Variants in THBS1 observed in about 807,000 individuals in gnomAD.
The protein encoded by THBS1 is thrombospondin-1.
Under a neutral mutation model 126.1 loss-of-function variants are expected in THBS1, and 29 were observed. That is an observed-to-expected ratio of 0.23 (90% CI 0.17 to 0.31). The LOEUF (loss-of-function observed/expected upper bound fraction) is 0.31. THBS1 is among the 10% of genes least tolerant of loss of function. THBS1 has a pLI of 1.00. For missense variants in THBS1, 1,198 were observed against 1,545.2 expected (o/e 0.78, Z 3.77); for synonymous variants, 496 against 577.8 (o/e 0.86, Z 2.03).
At position 39,593,015 on chromosome 15, in the gene THBS1, A is replaced by C. The variant is rs1046163935; in HGVS notation, c.2783A>C (p.Asp928Ala). The change falls in exon 18 of 22, where the codon GAT becomes GCT. Residue 928 changes from aspartate to alanine, a missense_variant. Physicochemically the swap from Asp to Ala is moderately radical, Grantham distance 126 (BLOSUM62 -2). This residue lies in a region of THBS1 where 255 missense variants were observed against 373.9 expected (regional missense o/e 0.68). Coordinates refer to ENST00000260356, the MANE Select transcript of THBS1 (RefSeq NM_003246.4). The surrounding 1 kb of genome is among the most constrained non-coding windows in gnomAD (Gnocchi z 5.9). The stretch of plus-strand genomic sequence containing the variant: ...TTGACCTCAGGCGATGGTCGAGGTG[A>C]TGCCTGCAAAGATGATTTTGACCAT... ...QKDSDGDGRG[D>A]ACKDDFDHDS... 6 of 1,613,308 alleles carry C rather than the reference A, an allele frequency of 3.7e-6. No individual in the cohort carries two copies. The African/African-American group carries it at 6.7e-5, about 18-fold the overall frequency.
chr15:39,588,179 G>A lies in THBS1; in HGVS notation c.1432G>A (p.Ala478Thr), dbSNP rs1353441404. The A allele has an allele frequency of 1.2e-6, 2 of 1,614,184 alleles. No individual in the cohort carries two copies. The highest frequency in any genetic ancestry group is 1.7e-5 in the Admixed American group (1 of 60,032). Reference sequence around the variant, plus strand: ...GAACGGGAAACCCTGTGAAGGCGAAGCGCGGGAGACCAAAGCCTGCAAGAA... The same window carrying A: ...GAACGGGAAACCCTGTGAAGGCGAAACGCGGGAGACCAAAGCCTGCAAGAA... ...QMNGKPCEGE[A>T]RETKACKKDA... is the part of the protein sequence containing the mutation. Residue 478 changes from alanine (A) to threonine (T), a missense_variant, in exon 9 of 22, where the codon GCG (alanine) becomes ACG (threonine). By Grantham distance (58) the Ala-to-Thr change is moderately conservative. This residue lies in a region of THBS1 where 663 missense variants were observed against 860.1 expected (regional missense o/e 0.77). Coordinates refer to ENST00000260356, the MANE Select transcript of THBS1 (RefSeq NM_003246.4).
At chr15:39,585,190 C>T (rs1890187159) in intron 6 of THBS1, among the ~76,000 whole-genome samples, 1 of 152,140 alleles carries the variant, frequency 6.6e-6, no homozygotes, top group Non-Finnish European at 1.5e-5. Context: ...TTTGTTGGTT[C>T]CTCTGCTATA....
rs1890292478 is a variant in THBS1, at chr15:39,589,890, A to G, written c.2012A>G (p.Asp671Gly). 8 of 1,614,004 alleles carry G rather than the reference A, an allele frequency of 5.0e-6. No homozygotes were observed. Among genetic ancestry groups the G allele is most frequent in the Non-Finnish European group, 5.9e-6 (7 of 1,180,034 alleles). ...AKCNYLGHYS[D>G]PMYRCECKPG... ...TGCAACTACCTGGGCCACTATAGCGACCCCATGTACCGCTGCGAGTGCAAG... is the reference window on the plus strand; with the variant it reads ...TGCAACTACCTGGGCCACTATAGCGGCCCCATGTACCGCTGCGAGTGCAAG... The change falls in exon 13 of 22, where the codon GAC becomes GGC. Residue 671 changes from aspartate (D) to glycine (G), a missense_variant. Transcript: ENST00000260356. This position sits in a 1 kb window ranked among gnomAD's most constrained non-coding sequence, Gnocchi z 4.7.
At position 39,591,322 on chromosome 15, in the gene THBS1, C is replaced by T. The variant is rs147749994; in HGVS notation, c.2385C>T (p.Asp795=). 205 of 1,614,018 alleles carry T rather than the reference C, an allele frequency of 1.3e-4. No individual in the cohort carries two copies. The African/African-American group carries it at 2.1e-3, about 16-fold the overall frequency. ...ACACAGACAACAATGGGGAAGGAGACGCCTGTGCTGCAGACATTGATGGAG... is the reference window on the plus strand; with the variant it reads ...ACACAGACAACAATGGGGAAGGAGATGCCTGTGCTGCAGACATTGATGGAG... The part of the protein sequence containing the change: ...QADTDNNGEG[D]ACAADIDGDG... The change falls in exon 15 of 22, where the codon GAC becomes GAT. Residue 795 remains aspartate (D), a synonymous_variant. Coordinates refer to ENST00000260356, the MANE Select transcript of THBS1 (RefSeq NM_003246.4).
At position 39,590,633 on chromosome 15, in the gene THBS1, G is replaced by A. The variant is rs1025972967; in HGVS notation, c.2253+10G>A. 6.8e-6 allele frequency: 11 copies of A among 1,609,650 alleles called. 1 individual carries two copies. Among genetic ancestry groups the A allele is most frequent in the East Asian group, 4.5e-5 (2 of 44,830 alleles). On this transcript the variant is annotated intron_variant, in intron 14 of 21. Coordinates refer to ENST00000260356, the MANE Select transcript of THBS1 (RefSeq NM_003246.4). ...AATTCCAGATGACAGGGTAAAAACAGTTTTCTATCCCTTTTTCATCTTTTC... is the reference window on the plus strand; with the variant it reads ...AATTCCAGATGACAGGGTAAAAACAATTTTCTATCCCTTTTTCATCTTTTC...
At position 39,582,728 on chromosome 15, in the gene THBS1, G is replaced by C. The variant is rs1248308133; in HGVS notation, c.603G>C (p.Lys201Asn). The C allele has an allele frequency of 1.9e-6, 3 of 1,611,344 alleles. No individual in the cohort carries two copies. In the South Asian group the frequency reaches 3.3e-5, roughly 18 times the overall value. The change falls in exon 3 of 22, where the codon AAG becomes AAC. Residue 201 changes from lysine to asparagine, a missense_variant. Transcript: ENST00000260356. ...GCATCGCCAGACTCCGCATCGCAAAGGGGGGCGTCAATGACAATTTCCAGG... is the reference window on the plus strand; with the variant it reads ...GCATCGCCAGACTCCGCATCGCAAACGGGGGCGTCAATGACAATTTCCAGG... ...LASIARLRIA[K>N]GGVNDNFQGV...
chr15:39,595,391 G>A lies in THBS1; in HGVS notation c.*22G>A. The A allele has an allele frequency of 6.7e-7, 1 of 1,497,094 alleles. No homozygotes were observed. Among genetic ancestry groups the A allele is most frequent in the African/African-American group, 1.4e-5 (1 of 71,568 alleles). The allele number at this position is 1,497,094 out of a possible 1,614,324, so 92.7% of individuals were successfully genotyped here. On this transcript the variant is annotated 3_prime_UTR_variant, in exon 22 of 22. Transcript: ENST00000260356. ...CTAATCATCAAATTGTTGATTGAAAGACTGATCATAAACCAATGCTGGTAT... is the reference window on the plus strand; with the variant it reads ...CTAATCATCAAATTGTTGATTGAAAAACTGATCATAAACCAATGCTGGTAT...
Position 39,598,538 on chromosome 15 carries a change from T to C in THBS1, c.*3169T>C, listed in dbSNP as rs1478495462. 3 of 152,194 alleles carry C rather than the reference T, an allele frequency of 2.0e-5. No individual in the cohort carries two copies. The highest frequency in any genetic ancestry group is 1.3e-4 in the Admixed American group (2 of 15,282). 9.4% of individuals were successfully genotyped at this position (152,194 alleles called of 1,614,324 possible). Reference sequence around the variant, plus strand: ...GAGATAATTCTAATTCATTCTTGGATAGTGAAGCAAAACTGATTGAAAATA... The same window carrying C: ...GAGATAATTCTAATTCATTCTTGGACAGTGAAGCAAAACTGATTGAAAATA... On this transcript the variant is annotated 3_prime_UTR_variant, in exon 22 of 22. Transcript: ENST00000260356.
At position 39,582,812 on chromosome 15, in the gene THBS1, A is replaced by AG. The variant is rs1042828647; in HGVS notation, c.627+62dup. 6.0e-5 allele frequency: 91 copies of AG among 1,517,982 alleles called. No homozygotes were observed. In the African/African-American group the frequency reaches 1.2e-3, roughly 20 times the overall value. 94.0% of individuals were successfully genotyped at this position (1,517,982 alleles called of 1,614,324 possible). A position where few individuals can be genotyped will look rare whatever the true frequency, so the allele number is the denominator to read the frequency against. On this transcript the variant is annotated intron_variant, in intron 3 of 21. Coordinates refer to ENST00000260356, the MANE Select transcript of THBS1 (RefSeq NM_003246.4). The stretch of plus-strand genomic sequence containing the variant: ...TCATCTGCTAGACAGGTGACCTGCC[A>AG]GGAGGGCTACAGGAAATCCTGTCTG...
intron 5 of THBS1, 56 bp downstream of exon 5, chr15:39,584,243 A>T: frequency 6.2e-7 from 1 of 1,614,180 alleles, no homozygotes; most frequent in Non-Finnish European, 8.5e-7. Flanking sequence ...TTTATCGCAG[A>T]TGGTCCCAAA....
At position 39,593,327 on chromosome 15, in the gene THBS1, T is replaced by A. The variant is rs1890366954; in HGVS notation, c.2996-70T>A. 8.1e-6 allele frequency: 13 copies of A among 1,612,736 alleles called. No individual in the cohort carries two copies. The highest frequency in any genetic ancestry group is 3.3e-5 in the South Asian group (3 of 90,968). ...TACCTATCCCTGTGGGTGCTGAGGA[T>A]GTCTAGGAACATGATGGAGAACCTT... On this transcript the variant is annotated intron_variant, in intron 18 of 21. Transcript: ENST00000260356. This position sits in a 1 kb window ranked among gnomAD's most constrained non-coding sequence, Gnocchi z 5.9.
chr15:39,588,128 C>T lies in THBS1; in HGVS notation c.1381C>T (p.Leu461Phe), dbSNP rs1287929513. The change falls in exon 9 of 22, where the codon CTC becomes TTC. Residue 461 changes from leucine (L) to phenylalanine (F), a missense_variant. Physicochemically the swap from Leu to Phe is conservative, Grantham distance 22. Around this residue, in one of 4 missense-constraint regions of THBS1, gnomAD observed 663 missense variants for 860.1 expected, o/e 0.77. Transcript: ENST00000260356. ...CGDGVITRIR[L>F]CNSPSPQMNG... The stretch of plus-strand genomic sequence containing the variant: ...TGATGGTGTGATCACAAGGATCCGG[C>T]TCTGCAACTCTCCCAGCCCCCAGAT... The T allele has an allele frequency of 1.9e-6, 3 of 1,614,098 alleles. No homozygotes were observed. The highest frequency in any genetic ancestry group is 1.7e-6 in the Non-Finnish European group (2 of 1,180,044).
chr15:39,586,985 C>G (rs754143534), intron 7 of THBS1: 4 of 161,946 alleles, frequency 2.5e-5, no homozygotes, highest in Non-Finnish European at 5.4e-5. Context: ...TTTGTGCCGG[C>G]TCATATTATG....
chr15:39,591,135 G>A, intron 14 of THBS1, 56 bp from the exon 15 acceptor site: 2 of 1,583,050 alleles, frequency 1.3e-6, no homozygotes, highest in Non-Finnish European at 1.7e-6. Flanking sequence ...ATGGTTTGAG[G>A]CTTGAGCTGT....
At chr15:39,582,809 G>C (rs1416860756) in intron 3 of THBS1, 57 bp downstream of exon 3, 1 of 1,517,574 alleles carries the variant, frequency 6.6e-7, no homozygotes, top group African/African-American at 1.4e-5. Context: ...CAGGTGACCT[G>C]CCAGGAGGGC....
chr15:39,587,098 G>A lies in THBS1; in HGVS notation c.1121-249G>A, dbSNP rs1419544616. 18 of 318,318 alleles carry A rather than the reference G, an allele frequency of 5.7e-5. 1 individual carries two copies. The East Asian group carries it at 8.9e-4, about 16-fold the overall frequency. The allele number at this position is 318,318 out of a possible 1,614,324, so 19.7% of individuals were successfully genotyped here. A position where few individuals can be genotyped will look rare whatever the true frequency, so the allele number is the denominator to read the frequency against. On this transcript the variant is annotated intron_variant, in intron 7 of 21. Transcript: ENST00000260356. Reference sequence around the variant, plus strand: ...AGATCTTAAGTCATCACCAAAAAAAGTAACTGTAAGATGATGGAGATGTGT... The same window carrying A: ...AGATCTTAAGTCATCACCAAAAAAAATAACTGTAAGATGATGGAGATGTGT...
rs1035280205 is a variant in THBS1 at position 39,594,963 on chromosome 15, C to T, written c.3506-399C>T. On this transcript the variant is annotated intron_variant, in intron 21 of 21. Transcript: ENST00000260356. The surrounding 1 kb of genome is among the most constrained non-coding windows in gnomAD (Gnocchi z 4.4). The stretch of plus-strand genomic sequence containing the variant: ...CTCGCTGAGTCCAACACTGGCTCTA[C>T]CACAAAATAAGTGCTTAATATATAT... 1.3e-5 allele frequency among the ~76,000 whole-genome samples: 2 copies of T among 152,082 alleles called. No homozygotes were observed. Among genetic ancestry groups the T allele is most frequent in the African/African-American group, 2.4e-5 (1 of 41,398 alleles).
intron 1 of THBS1, 190 bp from the exon 2 acceptor site, chr15:39,581,639 C>CCCCTCTCTCTCTCT (rs1555384650): frequency 5.9e-6 from 2 of 339,452 alleles, no homozygotes; most frequent in African/African-American, 5.6e-5. Context: ...CTTTCCTCCA[C>CCCCTCTCTCTCTCT]CTCTCTCTCT....
rs1417290168 is a variant in THBS1 at position 39,593,510 on chromosome 15, G to A, written c.3109G>A (p.Val1037Ile). 5.0e-6 allele frequency: 8 copies of A among 1,614,084 alleles called. No homozygotes were observed. Among genetic ancestry groups the A allele is most frequent in the Non-Finnish European group, 5.9e-6 (7 of 1,180,046 alleles). ...FGYQSSSRFYVVMWKQVTQSY... is the reference protein window; with the variant it reads ...FGYQSSSRFYIVMWKQVTQSY... ...CTACCAGTCCAGCAGCCGCTTTTATGTTGTGATGTGGAAGCAAGTCACCCA... is the reference window on the plus strand; with the variant it reads ...CTACCAGTCCAGCAGCCGCTTTTATATTGTGATGTGGAAGCAAGTCACCCA... Residue 1037 changes from valine (V) to isoleucine (I), a missense_variant, in exon 19 of 22, where the codon GTT becomes ATT. Transcript: ENST00000260356. The surrounding 1 kb of genome is among the most constrained non-coding windows in gnomAD (Gnocchi z 5.9).
Sources: gnomAD v4.1 joint callset for allele counts (sites outside exome capture counted in the v4.1 genomes callset) on GRCh38, gnomAD v4.1.1 for gene constraint, gnomAD v4.1.1 regional missense constraint, Gnocchi (gnomAD v3.1) non-coding constraint, MANE v1.5 for transcripts, NCBI Gene and HGNC (gene_info 2026-07-23, HGNC 2026-07-21) for gene names.